The following MALRD1 variants were observed in gnomAD, a reference collection of about 807,000 sequenced individuals.
MALRD1 encodes the protein MAM and LDL-receptor class A domain-containing protein 1.
Under a neutral mutation model 242.1 loss-of-function variants are expected in MALRD1, and 247 were observed. The observed-to-expected ratio is 1.02, with a 90% CI of 0.92 to 1.13. The LOEUF (loss-of-function observed/expected upper bound fraction) is 1.13, where lower values mean the gene tolerates loss of function less well. Among genes scored for constraint, MALRD1 ranks in the 50% most tolerant of loss-of-function variants. The pLI, the probability that MALRD1 is intolerant of heterozygous loss-of-function variation, is 0.00. For missense variants in MALRD1, 2,989 were observed against 2,533.1 expected, an observed-to-expected ratio of 1.18 and a Z score of -3.86; for synonymous variants, 995 against 866.6, an observed-to-expected ratio of 1.15 and a Z score of -2.60.
chr10:19,119,823 A>G (rs1480261579), intron 5 of MALRD1, among the ~76,000 whole-genome samples: 2 of 152,164 alleles, frequency 1.3e-5, no homozygotes, highest in East Asian at 3.8e-4. Context: ...TAAACTATAA[A>G]CTAAGTTCCT....
intron 2 of MALRD1, among the ~76,000 whole-genome samples, chr10:19,078,842 T>C (rs1835397637): frequency 6.6e-6 from 1 of 151,828 alleles, no homozygotes; most frequent in Non-Finnish European, 1.5e-5. Flanking sequence ...TTTTTATTTA[T>C]GTAAGGTTAG....
chr10:19,063,151 C>A (rs77949104), intron 1 of MALRD1, among the ~76,000 whole-genome samples: 27,427 of 149,832 alleles, frequency 0.18, 2,863 homozygotes, highest in Non-Finnish European at 0.24. Context: ...GTCCCCCCCC[C>A]AAAAAAAAAG....
chr10:19,134,302 T>C (rs1045249469), intron 9 of MALRD1, among the ~76,000 whole-genome samples: 6 of 152,230 alleles, frequency 3.9e-5, no homozygotes, highest in African/African-American at 1.4e-4. Context: ...GGCAAATGTT[T>C]TGAATGCAAT....
chr10:19,100,581 A>G (rs1836214326), intron 4 of MALRD1, among the ~76,000 whole-genome samples: 2 of 152,242 alleles, frequency 1.3e-5, no homozygotes, highest in South Asian at 2.1e-4. Context: ...ATTGGAGAGC[A>G]GCTTTCTTCT....
At chr10:19,442,357 T>A (rs554773902) in intron 28 of MALRD1, among the ~76,000 whole-genome samples, 1 of 151,456 alleles carries the variant, frequency 6.6e-6, no homozygotes, top group Non-Finnish European at 1.5e-5. Context: ...AGCATCATGT[T>A]GAATAGGAGT....
intron 24 of MALRD1, among the ~76,000 whole-genome samples, chr10:19,345,511 T>G (rs934166782): frequency 6.6e-6 from 1 of 152,128 alleles, no homozygotes. Context: ...ACTTAGAACT[T>G]CAGTATTCTA....
intron 5 of MALRD1, among the ~76,000 whole-genome samples, chr10:19,122,279 C>A: frequency 6.6e-6 from 1 of 152,172 alleles, no homozygotes; most frequent in African/African-American, 2.4e-5. Context: ...GTGAGCTGGA[C>A]AGATAGGGCT....
intron 11 of MALRD1, among the ~76,000 whole-genome samples, chr10:19,149,608 T>C (rs142687006): frequency 2.8e-4 from 43 of 152,316 alleles, no homozygotes; most frequent in African/African-American, 1.0e-3. Context: ...GTAACTATTG[T>C]CCCTATCTTC....
At chr10:19,434,515 A>G (rs1322931974) in intron 28 of MALRD1, among the ~76,000 whole-genome samples, 10 of 152,130 alleles carry the variant, frequency 6.6e-5, no homozygotes, top group Middle Eastern at 3.4e-3. Flanking sequence ...TGCAGTTTAA[A>G]GAATATAACT....
chr10:19,209,474 C>T lies in MALRD1; in HGVS notation c.2785C>T (p.Leu929Phe). ...PQAFQDSAAL[L>F]SPILNATDTK... Reference sequence around the variant, plus strand: ...GGCTTTTCAAGACAGTGCTGCCTTACTCAGCCCAATCCTTAATGCCACTGA... The same window carrying T: ...GGCTTTTCAAGACAGTGCTGCCTTATTCAGCCCAATCCTTAATGCCACTGA... The change falls in exon 18 of 40, where the codon CTC becomes TTC. Residue 929 changes from leucine (L) to phenylalanine (F), a missense_variant. Transcript: ENST00000454679. The T allele has an allele frequency of 1.9e-6, 3 of 1,550,842 alleles. No homozygotes were observed. The highest frequency in any genetic ancestry group is 2.6e-6 in the Non-Finnish European group (3 of 1,147,038).
At chr10:19,542,701 G>A (rs1835024828) in intron 32 of MALRD1, among the ~76,000 whole-genome samples, 1 of 152,076 alleles carries the variant, frequency 6.6e-6, no homozygotes, top group African/African-American at 2.4e-5. Context: ...TGGATACAAA[G>A]ATAGGTAGAT....
At chr10:19,720,602 A>G (rs1027171843) in intron 38 of MALRD1, among the ~76,000 whole-genome samples, 7 of 151,552 alleles carry the variant, frequency 4.6e-5, no homozygotes, top group African/African-American at 1.7e-4. Flanking sequence ...CATTTCACGA[A>G]CTCTCCGTCT....
intron 33 of MALRD1, among the ~76,000 whole-genome samples, chr10:19,574,628 C>T (rs1836717259): frequency 2.0e-5 from 3 of 152,196 alleles, no homozygotes; most frequent in African/African-American, 7.2e-5. Flanking sequence ...TAAACTATGG[C>T]TGTACCATAC....
chr10:19,727,530 A>G (rs1835088567), intron 38 of MALRD1, among the ~76,000 whole-genome samples: 1 of 152,206 alleles, frequency 6.6e-6, no homozygotes, highest in Non-Finnish European at 1.5e-5. Context: ...TGGATATAAG[A>G]TAAACTTAAT....
intron 36 of MALRD1, among the ~76,000 whole-genome samples, chr10:19,620,445 T>C (rs61089464): frequency 0.021 from 3,251 of 152,218 alleles, 95 homozygotes; most frequent in African/African-American, 0.073. Flanking sequence ...TATTGAAAGA[T>C]GACGCATATT....
intron 32 of MALRD1, among the ~76,000 whole-genome samples, chr10:19,556,346 G>C (rs140251953): frequency 0.011 from 1,661 of 152,140 alleles, 15 homozygotes; most frequent in Non-Finnish European, 0.018. Context: ...CACATTTCAT[G>C]GATTTTGACA....
intron 36 of MALRD1, among the ~76,000 whole-genome samples, chr10:19,686,065 T>C (rs1448888881): frequency 6.6e-6 from 1 of 152,098 alleles, no homozygotes; most frequent in African/African-American, 2.4e-5. Context: ...ACCTCCATTC[T>C]TGCCTTCTCA....
intron 18 of MALRD1, among the ~76,000 whole-genome samples, chr10:19,241,573 A>G (rs1838775502): frequency 6.6e-6 from 1 of 151,212 alleles, no homozygotes; most frequent in African/African-American, 2.4e-5. Context: ...GAGCTTTATT[A>G]TTTCCTTCCT....
At chr10:19,122,127 G>A (rs1837087633) in intron 5 of MALRD1, among the ~76,000 whole-genome samples, 1 of 152,208 alleles carries the variant, frequency 6.6e-6, no homozygotes, top group South Asian at 2.1e-4. Flanking sequence ...AGCATGGCCA[G>A]GGAGTGATTG....
Sources: gnomAD v4.1 joint callset for allele counts (sites outside exome capture counted in the v4.1 genomes callset) on GRCh38, gnomAD v4.1.1 for gene constraint, MANE v1.5 for transcripts, NCBI Gene and HGNC (gene_info 2026-07-23, HGNC 2026-07-21) for gene names.